HSPA12B: variants seen among roughly 807,000 people sequenced by gnomAD.
The protein encoded by HSPA12B is heat shock protein family A (Hsp70) member 12B, also known as heat shock 70 kDa protein 12B.
Under a neutral mutation model 69.3 loss-of-function variants are expected in HSPA12B, and 54 were observed. The observed-to-expected ratio is 0.78, with a 90% CI of 0.63 to 0.98. The LOEUF is 0.98. Ranked by LOEUF, HSPA12B falls within the 50% of genes least tolerant of loss-of-function variation. The probability of loss-of-function intolerance (pLI) is 0.00; values close to 1 mark genes in which losing one functional copy is unlikely to be tolerated. For synonymous variants in HSPA12B, 441 were observed against 436.5 expected, an observed-to-expected ratio of 1.01 and a Z score of -0.13; for missense variants, 929 against 999.8, an observed-to-expected ratio of 0.93 and a Z score of 0.96.
chr20:3,746,946 C>T (rs1296313605), intron 7 of HSPA12B, among the ~76,000 whole-genome samples: 1 of 152,210 alleles, frequency 6.6e-6, no homozygotes, highest in Non-Finnish European at 1.5e-5. Flanking sequence ...GCAGGCAGGG[C>T]ACCCAGAACA....
intron 7 of HSPA12B, among the ~76,000 whole-genome samples, chr20:3,747,248 C>G (rs979329736): frequency 1.1e-4 from 16 of 152,114 alleles, no homozygotes; most frequent in African/African-American, 3.9e-4. Context: ...TGTGGACACC[C>G]TGGAGGGACC....
intron 12 of HSPA12B, 62 bp downstream of exon 12, chr20:3,750,969 C>A (rs1378625081): frequency 2.9e-6 from 4 of 1,396,510 alleles, no homozygotes; most frequent in Non-Finnish European, 4.1e-6. Context: ...CAGAATAATT[C>A]CCCCCCATCA....
chr20:3,750,063 A>G lies in HSPA12B; in HGVS notation c.1137A>G (p.Gln379=), dbSNP rs372853784. 5 of 1,611,086 alleles carry G rather than the reference A, an allele frequency of 3.1e-6. No individual in the cohort carries two copies. The highest frequency in any genetic ancestry group is 3.4e-6 in the Non-Finnish European group (4 of 1,179,198). The change falls in exon 11 of 13, where the codon CAA becomes CAG. Residue 379 remains glutamine (Q), a synonymous_variant. Coordinates refer to ENST00000254963, the MANE Select transcript of HSPA12B (RefSeq NM_052970.5). ...GEDFIATFKR[Q]RPAAWVDLTI... The stretch of plus-strand genomic sequence containing the variant: ...ACTTCATCGCCACCTTCAAAAGGCA[A>G]CGGCCGGCAGCCTGGGTAGATCTGA...
In HSPA12B at chr20:3,752,210, C is replaced by G; in HGVS notation, c.*44C>G. On this transcript the variant is annotated 3_prime_UTR_variant, in exon 13 of 13. Coordinates refer to ENST00000254963, the MANE Select transcript of HSPA12B (RefSeq NM_052970.5). The stretch of plus-strand genomic sequence containing the variant: ...CCAGCGCCGTCTGCCCGGCCCCGCC[C>G]TCTTTCGGTTCAGGGGCCTGCGGAG... The G allele has an allele frequency of 2.8e-6, 4 of 1,434,864 alleles. No homozygotes were observed. The highest frequency in any genetic ancestry group is 3.6e-6 in the Non-Finnish European group (4 of 1,099,872). 88.9% of individuals were successfully genotyped at this position (1,434,864 alleles called of 1,614,324 possible). A position where few individuals can be genotyped will look rare whatever the true frequency, so the allele number is the denominator to read the frequency against.
intron 3 of HSPA12B, among the ~76,000 whole-genome samples, chr20:3,741,125 G>T (rs2088194271): frequency 6.6e-6 from 1 of 152,062 alleles, no homozygotes; most frequent in Admixed American, 6.6e-5. Flanking sequence ...TACTGAGAAG[G>T]CGAGCCCCAT....
At chr20:3,739,493 G>T in intron 2 of HSPA12B, among the ~76,000 whole-genome samples, 1 of 152,236 alleles carries the variant, frequency 6.6e-6, no homozygotes, top group Non-Finnish European at 1.5e-5. Flanking sequence ...CATTCACAAA[G>T]ACCTGGTGGG....
In HSPA12B at chr20:3,748,217, G is replaced by T. The variant is rs1434483929; in HGVS notation, c.676G>T (p.Ala226Ser). The change falls in exon 8 of 13, where the codon GCT becomes TCT. Residue 226 changes from alanine (A) to serine (S), a missense_variant and splice_region_variant. Ala to Ser is a moderately conservative substitution (Grantham distance 99). Around this residue, in one of 3 missense-constraint regions of HSPA12B, gnomAD observed 477 missense variants for 535.2 expected, o/e 0.89. Transcript: ENST00000254963. ...GACCCTGCCCACCACCCATCCCCAGGCTGGACTAGTGTCCCGAGAGAATGC... is the reference window on the plus strand; with the variant it reads ...GACCCTGCCCACCACCCATCCCCAGTCTGGACTAGTGTCCCGAGAGAATGC... ...KQFMREAAYL[A>S]GLVSRENAEQ... The T allele has an allele frequency of 6.4e-7, 1 of 1,552,690 alleles. No homozygotes were observed. Among genetic ancestry groups the T allele is most frequent in the Admixed American group, 1.8e-5 (1 of 54,626 alleles).
Position 3,746,017 on chromosome 20 carries a change from G to C in HSPA12B, c.661G>C (p.Glu221Gln). Residue 221 changes from glutamate to glutamine, a missense_variant, in exon 7 of 13, where the codon GAG becomes CAG. Transcript: ENST00000254963. ...ACAGCCAGCCAAGCAGTTCATGCGG[G>C]AGGCTGCCTACCTGGTGAGGACGTG... ...WKQPAKQFMR[E>Q]AAYLAGLVSR... The C allele has an allele frequency of 6.2e-7, 1 of 1,613,790 alleles. No homozygotes were observed. Among genetic ancestry groups the C allele is most frequent in the Non-Finnish European group, 8.5e-7 (1 of 1,179,784 alleles).
At position 3,749,152 on chromosome 20, in the gene HSPA12B, TG is replaced by T; in HGVS notation, c.851-77del. The T allele has an allele frequency of 7.8e-7, 1 of 1,284,614 alleles. No homozygotes were observed. The highest frequency in any genetic ancestry group is 1.1e-6 in the Non-Finnish European group (1 of 911,828). The allele number at this position is 1,284,614 out of a possible 1,614,324, so 79.6% of individuals were successfully genotyped here. A position where few individuals can be genotyped will look rare whatever the true frequency, so the allele number is the denominator to read the frequency against. ...CTGCTCCCAGTGCCCATGGAGGTCC[TG>T]GGCAGGAGGATGGGAGTTGAACGCC... On this transcript the variant is annotated intron_variant, in intron 8 of 12. Transcript: ENST00000254963. This position sits in a 1 kb window ranked among gnomAD's most constrained non-coding sequence, Gnocchi z 5.5.
At position 3,749,882 on chromosome 20, in the gene HSPA12B, C is replaced by A. The variant is rs762086377; in HGVS notation, c.1042+28C>A. ...GAGTAGCCAGGCGGCGCCCCGGTAC[C>A]CAGCGCGACCCGGGCTCCGGCCCCG... On this transcript the variant is annotated intron_variant, in intron 10 of 12. Coordinates refer to ENST00000254963, the MANE Select transcript of HSPA12B (RefSeq NM_052970.5). This position sits in a 1 kb window ranked among gnomAD's most constrained non-coding sequence, Gnocchi z 5.5. 1 of 1,557,712 alleles carries A rather than the reference C, an allele frequency of 6.4e-7. No individual in the cohort carries two copies.
Position 3,742,391 on chromosome 20 carries a change from G to C in HSPA12B, c.249G>C (p.Glu83Asp). The change falls in exon 4 of 13, where the codon GAG (glutamate) becomes GAC (aspartate). Residue 83 changes from glutamate to aspartate, a missense_variant. By Grantham distance (45) the Glu-to-Asp change is conservative. This residue lies in a region of HSPA12B where 477 missense variants were observed against 535.2 expected (regional missense o/e 0.89). Transcript: ENST00000254963. ...GYAFSFASDPEAIHMMRKWEG... is the reference protein window; with the variant it reads ...GYAFSFASDPDAIHMMRKWEG... ...CTTTCAGCTTTGCCAGTGACCCTGA[G>C]GCCATCCACATGATGAGGTGAGGTC... 6.2e-7 allele frequency: 1 copy of C among 1,612,966 alleles called. No individual in the cohort carries two copies. Among genetic ancestry groups the C allele is most frequent in the Non-Finnish European group, 8.5e-7 (1 of 1,179,054 alleles).
chr20:3,751,618 G>T lies in HSPA12B; in HGVS notation c.1513G>T (p.Ala505Ser), dbSNP rs13433190. The T allele has an allele frequency of 0.052, 79,306 of 1,528,744 alleles. 2,976 individuals are homozygous for T. Among genetic ancestry groups the T allele is most frequent in the African/African-American group, 0.18 (13,264 of 71,816 alleles). The allele number at this position is 1,528,744 out of a possible 1,614,324, so 94.7% of individuals were successfully genotyped here. The change falls in exon 13 of 13, where the codon GCC becomes TCC. Residue 505 changes from alanine (A) to serine (S), a missense_variant. By Grantham distance (99) the Ala-to-Ser change is moderately conservative. Around this residue, in one of 3 missense-constraint regions of HSPA12B, gnomAD observed 448 missense variants for 448.1 expected, o/e 1.00. Coordinates refer to ENST00000254963, the MANE Select transcript of HSPA12B (RefSeq NM_052970.5). Reference protein sequence around the residue: ...LQHAVQAALGARGLRVVVPHD... With the variant: ...LQHAVQAALGSRGLRVVVPHD... ...GCACGCGGTGCAGGCGGCGCTGGGC[G>T]CCCGCGGTCTGCGTGTCGTGGTCCC...
rs1423596855 is a variant in HSPA12B, at chr20:3,749,015, A to G, written c.851-217A>G. ...ACCTGAGACCTCCTGCGTTAAAGGA[A>G]GGCCCTGTGTCCATAAATATTTCCC... On this transcript the variant is annotated intron_variant, in intron 8 of 12. Transcript: ENST00000254963. This position sits in a 1 kb window ranked among gnomAD's most constrained non-coding sequence, Gnocchi z 5.5. 6.6e-6 allele frequency among the ~76,000 whole-genome samples: 1 copy of G among 152,190 alleles called. No homozygotes were observed. The highest frequency in any genetic ancestry group is 1.5e-5 in the Non-Finnish European group (1 of 68,036).
chr20:3,734,692 C>T (rs1380413783), intron 1 of HSPA12B, among the ~76,000 whole-genome samples: 1 of 151,762 alleles, frequency 6.6e-6, no homozygotes, highest in Non-Finnish European at 1.5e-5. Context: ...TCTTGGCTTA[C>T]CTCCACCTCT....
chr20:3,749,094 G>C lies in HSPA12B; in HGVS notation c.851-138G>C, dbSNP rs537190352. 39 of 684,748 alleles carry C rather than the reference G, an allele frequency of 5.7e-5. No individual in the cohort carries two copies. Among genetic ancestry groups the C allele is most frequent in the Non-Finnish European group, 9.1e-5 (36 of 397,012 alleles). 42.4% of individuals were successfully genotyped at this position (684,748 alleles called of 1,614,324 possible). ...TGGGGTTCAGGATTGCCCTCTCCCA[G>C]TCAGGAGCAGGTTGGAGTTTCAGGA... On this transcript the variant is annotated intron_variant, in intron 8 of 12. Transcript: ENST00000254963. This position sits in a 1 kb window ranked among gnomAD's most constrained non-coding sequence, Gnocchi z 5.5.
Position 3,740,585 on chromosome 20 carries a change from G to A in HSPA12B, c.44-230G>A, listed in dbSNP as rs1277928933. 6.6e-6 allele frequency among the ~76,000 whole-genome samples: 1 copy of A among 152,128 alleles called. No homozygotes were observed. The highest frequency in any genetic ancestry group is 1.5e-5 in the Non-Finnish European group (1 of 68,010). ...AGTGGGGAGACAGTGAGCTCCTGGGGAAAGCATGGGTCATCTGCTAGGGAA... is the reference window on the plus strand; with the variant it reads ...AGTGGGGAGACAGTGAGCTCCTGGGAAAAGCATGGGTCATCTGCTAGGGAA... On this transcript the variant is annotated intron_variant, in intron 2 of 12. Coordinates refer to ENST00000254963, the MANE Select transcript of HSPA12B (RefSeq NM_052970.5). The surrounding 1 kb of genome is among the most constrained non-coding windows in gnomAD (Gnocchi z 4.9).
chr20:3,738,841 A>AGTGT (rs3840072), intron 2 of HSPA12B, 124 bp downstream of exon 2: 13 of 738,056 alleles, frequency 1.8e-5, no homozygotes, highest in African/African-American at 1.2e-4. Context: ...TCTGTGAGTG[A>AGTGT]GTGTGTGTGT....
Position 3,748,362 on chromosome 20 carries a change from G to A in HSPA12B, c.821G>A (p.Arg274His), listed in dbSNP as rs146744731. 147 of 1,604,950 alleles carry A rather than the reference G, an allele frequency of 9.2e-5. No homozygotes were observed. Among genetic ancestry groups the A allele is most frequent in the Admixed American group, 2.4e-4 (14 of 59,056 alleles). ...RAPGGGRLGE[R>H]RSIDSSFRQA... ...CCAGGTGGTGGGCGCCTGGGTGAGC[G>A]CCGCTCCATCGACTCCAGCTTCCGT... Residue 274 changes from arginine to histidine, a missense_variant, in exon 8 of 13, where the codon CGC becomes CAC. Arg to His is a conservative substitution (Grantham distance 29, BLOSUM62 0). Around this residue, in one of 3 missense-constraint regions of HSPA12B, gnomAD observed 477 missense variants for 535.2 expected, o/e 0.89. Coordinates refer to ENST00000254963, the MANE Select transcript of HSPA12B (RefSeq NM_052970.5).
intron 1 of HSPA12B, among the ~76,000 whole-genome samples, chr20:3,736,742 G>C (rs778959275): frequency 6.6e-6 from 1 of 152,220 alleles, no homozygotes; most frequent in Non-Finnish European, 1.5e-5. Context: ...GTTAAAATAG[G>C]CCAGACGCGG....
Sources: allele counts gnomAD v4.1 joint callset (sites outside exome capture counted in the v4.1 genomes callset), GRCh38; gene constraint gnomAD v4.1.1; regional missense constraint gnomAD v4.1.1; non-coding constraint Gnocchi (gnomAD v3.1); transcripts MANE v1.5; gene names NCBI Gene and HGNC (gene_info 2026-07-23, HGNC 2026-07-21).